The following SYT12 variants were observed in gnomAD, a reference collection of about 807,000 sequenced individuals.
The protein encoded by SYT12 is synaptotagmin 12, also known as synaptotagmin-12.
A neutral mutation model predicts 39.5 loss-of-function variants in SYT12; 27 were observed. That is an observed-to-expected ratio of 0.68 (90% CI 0.50 to 0.94). The LOEUF (loss-of-function observed/expected upper bound fraction) is 0.94, where lower values mean the gene tolerates loss of function less well. SYT12 is among the 40% of genes least tolerant of loss of function. The pLI, the probability that SYT12 is intolerant of heterozygous loss-of-function variation, is 0.00. For synonymous variants in SYT12, 233 were observed against 239.7 expected, an observed-to-expected ratio of 0.97 and a Z score of 0.26; for missense variants, 536 against 572.6, an observed-to-expected ratio of 0.94 and a Z score of 0.65.
chr11:67,022,382 C>T (rs1950118689), upstream of SYT12, among the ~76,000 whole-genome samples: 1 of 152,174 alleles, frequency 6.6e-6, no homozygotes. Flanking sequence ...GTCCACCCAG[C>T]CTGCTCCCCT....
At chr11:67,027,931 T>A (rs1325044881) in intron 1 of SYT12, 1 of 152,184 alleles carries the variant, frequency 6.6e-6, no homozygotes, top group Admixed American at 6.5e-5. Context: ...TTTCAGCGTA[T>A]CCAGACCAGC....
intron 7 of SYT12, among the ~76,000 whole-genome samples, chr11:67,048,130 G>A (rs1414383775): frequency 6.6e-6 from 1 of 151,366 alleles, no homozygotes; most frequent in Non-Finnish European, 1.5e-5. Context: ...AATTAGCCGG[G>A]CATGGTGGCA....
intron 4 of SYT12, among the ~76,000 whole-genome samples, 178 bp downstream of exon 4, chr11:67,040,381 G>C (rs568370213): frequency 6.6e-6 from 1 of 152,178 alleles, no homozygotes; most frequent in African/African-American, 2.4e-5. Context: ...GCTGGGAGGT[G>C]GGGGGCTCCA....
In SYT12 at chr11:67,010,547, G is replaced by T. The variant is rs546414375; in HGVS notation, c.-240-276G>T. 2.6e-5 allele frequency among the ~76,000 whole-genome samples: 4 copies of T among 152,322 alleles called. No individual in the cohort carries two copies. The South Asian group carries it at 6.2e-4, about 24-fold the overall frequency. On this transcript the variant is annotated intron_variant, in intron 2 of 10. Coordinates refer to the SYT12 transcript ENST00000393946. ...GAGCTCATGCCCCTTCATCTTGCCA[G>T]GCCTGTTCCAGCTCCATCTTAACTG... is the stretch of plus-strand genomic sequence containing the variant.
upstream of SYT12, among the ~76,000 whole-genome samples, chr11:67,021,615 C>G (rs1195073642): frequency 1.3e-5 from 2 of 152,096 alleles, no homozygotes; most frequent in African/African-American, 4.8e-5. Flanking sequence ...GTAGAATACC[C>G]TATTAGAGTC....
chr11:67,035,925 T>C (rs1374850044), intron 3 of SYT12, among the ~76,000 whole-genome samples: 1 of 139,740 alleles, frequency 7.2e-6, no homozygotes, highest in African/African-American at 2.7e-5. Flanking sequence ...CTTTCTTTTC[T>C]TTCTTTTGAG....
intron 4 of SYT12, among the ~76,000 whole-genome samples, chr11:67,041,491 T>A (rs539501501): frequency 1.6e-4 from 25 of 152,124 alleles, no homozygotes; most frequent in African/African-American, 5.8e-4. Context: ...AATAAATAAA[T>A]AAATTTTAAA....
chr11:67,043,977 GAGA>G (rs1484495960), intron 5 of SYT12, 124 bp downstream of exon 5: 14 of 950,622 alleles, frequency 1.5e-5, no homozygotes, highest in East Asian at 2.6e-5. Context: ...TAGGAGAGCA[GAGA>G]AGAAGACCTG....
chr11:67,034,868 CG>C, intron 3 of SYT12, 30 bp downstream of exon 3: 2 of 1,483,922 alleles, frequency 1.3e-6, no homozygotes, highest in Non-Finnish European at 1.8e-6. Context: ...AGGTGCACAG[CG>C]AGTGCAACCC....
Position 67,023,807 on chromosome 11 carries a change from G to A in SYT12, c.-24+347G>A, listed in dbSNP as rs566358227. 2.8e-4 allele frequency among the ~76,000 whole-genome samples: 42 copies of A among 152,312 alleles called. No homozygotes were observed. In the South Asian group the frequency reaches 8.1e-3, roughly 29 times the overall value. On this transcript the variant is annotated intron_variant, in intron 1 of 7. Transcript: ENST00000527043. ...GACTGTCCTCACTGTCCCTGCTCTG[G>A]CTTCGCACCCCCTCCCGACACTCCG...
intron 1 of SYT12, among the ~76,000 whole-genome samples, 180 bp downstream of exon 1, chr11:67,023,640 C>T (rs921156367): frequency 2.0e-5 from 3 of 152,210 alleles, no homozygotes; most frequent in African/African-American, 7.2e-5. Context: ...ACGCTGGGCG[C>T]CCTTACCCGG....
At chr11:67,037,224 T>G (rs532743752) in intron 3 of SYT12, among the ~76,000 whole-genome samples, 10 of 150,986 alleles carry the variant, frequency 6.6e-5, no homozygotes, top group African/African-American at 2.2e-4. Flanking sequence ...GGCAACAGAG[T>G]GAGACTCCAT....
At chr11:67,038,145 CTATTTATT>C (rs34884260) in intron 3 of SYT12, among the ~76,000 whole-genome samples, 2,950 of 147,914 alleles carry the variant, frequency 0.02, 42 homozygotes, top group East Asian at 0.034. Flanking sequence ...GAAAATAAAA[CTATTTATT>C]TATTTATTTA....
rs1401030482 is a variant in SYT12 at position 67,040,192 on chromosome 11, G to C, written c.610G>C (p.Gly204Arg). Reference sequence around the variant, plus strand: ...CCTGCTGCCGGACGAGCAGATCGTGGGCATTTCTCGGGTAAGTGGGGCTCA... The same window carrying C: ...CCTGCTGCCGGACGAGCAGATCGTGCGCATTTCTCGGGTAAGTGGGGCTCA... ...VSLLPDEQIV[G>R]ISRIQRNAYS... The change falls in exon 4 of 8, where the codon GGC (glycine) becomes CGC (arginine). Residue 204 changes from glycine to arginine, a missense_variant. Gly to Arg is a moderately radical substitution (Grantham distance 125). Transcript: ENST00000527043. The C allele has an allele frequency of 1.3e-6, 2 of 1,574,060 alleles. No homozygotes were observed. Among genetic ancestry groups the C allele is most frequent in the African/African-American group, 2.7e-5 (2 of 74,508 alleles).
At chr11:67,045,431 G>A (rs1590655814) in intron 6 of SYT12, among the ~76,000 whole-genome samples, 2 of 152,280 alleles carry the variant, frequency 1.3e-5, no homozygotes, top group African/African-American at 2.4e-5. Context: ...CAGGGCTGAC[G>A]TCTGCACTCG....
intron 7 of SYT12, among the ~76,000 whole-genome samples, chr11:67,047,060 G>C (rs1055434770): frequency 1.3e-5 from 2 of 151,970 alleles, no homozygotes; most frequent in Admixed American, 1.3e-4. Context: ...CGCCTCCTGG[G>C]TTCAAATGAT....
intron 1 of SYT12, among the ~76,000 whole-genome samples, chr11:67,026,001 G>A (rs568842750): frequency 3.3e-5 from 5 of 152,010 alleles, no homozygotes; most frequent in Non-Finnish European, 7.4e-5. Flanking sequence ...TTTGCTGGGC[G>A]TGGTGAGATC....
Position 67,024,745 on chromosome 11 carries a change from G to A in SYT12, c.-24+1285G>A, listed in dbSNP as rs565775601. Among the ~76,000 whole-genome samples the A allele has an allele frequency of 2.0e-5, 3 of 152,318 alleles. No homozygotes were observed. The South Asian group carries it at 6.2e-4, about 32-fold the overall frequency. ...TGTGGTTATCTCAGAAAGCGGAGGA[G>A]GGGTACTTGAAAAGGTTTCAACCTA... On this transcript the variant is annotated intron_variant, in intron 1 of 7. Coordinates refer to ENST00000527043, the MANE Select transcript of SYT12 (RefSeq NM_177963.4).
intron 4 of SYT12, among the ~76,000 whole-genome samples, chr11:67,041,872 G>A (rs1020503282): frequency 6.6e-6 from 1 of 152,224 alleles, no homozygotes; most frequent in Non-Finnish European, 1.5e-5. Flanking sequence ...AGAGCAGAGG[G>A]GGGAAGGGTG....
Sources: allele counts gnomAD v4.1 joint callset (sites outside exome capture counted in the v4.1 genomes callset), GRCh38; gene constraint gnomAD v4.1.1; transcripts MANE v1.5; gene names NCBI Gene and HGNC (gene_info 2026-07-23, HGNC 2026-07-21).